PLCB4: variants seen among roughly 807,000 people sequenced by gnomAD.
PLCB4 encodes the protein 1-phosphatidylinositol 4,5-bisphosphate phosphodiesterase beta-4.
A neutral mutation model predicts 178.8 loss-of-function variants in PLCB4; 77 were observed. That is an observed-to-expected ratio of 0.43 (90% CI 0.36 to 0.52). PLCB4 has a LOEUF of 0.52. Ranked by LOEUF, PLCB4 falls within the 20% of genes least tolerant of loss-of-function variation. The pLI is 0.00. For synonymous variants in PLCB4, 496 were observed against 490.8 expected (o/e 1.01, Z -0.14); for missense variants, 1,024 against 1,453.4 (o/e 0.70, Z 4.80).
At chr20:9,262,392 G>A (rs1193489398) in intron 3 of PLCB4, among the ~76,000 whole-genome samples, 1 of 152,152 alleles carries the variant, frequency 6.6e-6, no homozygotes, top group Non-Finnish European at 1.5e-5. Flanking sequence ...CCTCCTGGAT[G>A]CCTTCTGCAG....
intron 32 of PLCB4, among the ~76,000 whole-genome samples, chr20:9,444,761 C>CAA (rs1016038746): frequency 6.7e-6 from 1 of 149,330 alleles, no homozygotes; most frequent in Admixed American, 6.7e-5. Flanking sequence ...GACTCCATCT[C>CAA]AAAAAAAAAG....
At chr20:9,471,875 C>T (rs996194833) in intron 36 of PLCB4, among the ~76,000 whole-genome samples, 1 of 149,714 alleles carries the variant, frequency 6.7e-6, no homozygotes, top group Non-Finnish European at 1.5e-5. Context: ...GAGTATACAC[C>T]CTACAGCAGC....
chr20:9,170,695 G>T, intron 2 of PLCB4, among the ~76,000 whole-genome samples: 1 of 152,134 alleles, frequency 6.6e-6, no homozygotes, highest in Non-Finnish European at 1.5e-5. Flanking sequence ...CCATGTTTGT[G>T]GGCAGTAGTT....
intron 2 of PLCB4, among the ~76,000 whole-genome samples, chr20:9,115,433 CT>C (rs869027659): frequency 7.4e-6 from 1 of 134,902 alleles, no homozygotes; most frequent in African/African-American, 2.8e-5. Flanking sequence ...ACTTCTTCTT[CT>C]TTTTTTTTAA....
intron 3 of PLCB4, among the ~76,000 whole-genome samples, chr20:9,268,670 G>A (rs191036897): frequency 2.7e-4 from 41 of 152,314 alleles, no homozygotes; most frequent in Admixed American, 7.9e-4. Flanking sequence ...AAGGGGGAAA[G>A]ACTATCAACA....
chr20:9,474,798 A>G (rs2044434873), intron 38 of PLCB4, among the ~76,000 whole-genome samples: 1 of 152,184 alleles, frequency 6.6e-6, no homozygotes, highest in Non-Finnish European at 1.5e-5. Flanking sequence ...TCATCAACAT[A>G]CTTCCTAGTT....
chr20:9,323,200 C>G (rs1441830966), intron 4 of PLCB4, among the ~76,000 whole-genome samples: 1 of 152,198 alleles, frequency 6.6e-6, no homozygotes, highest in African/African-American at 2.4e-5. Context: ...TTGCTGTTCT[C>G]CCTCTGGACT....
At chr20:9,407,355 G>T (rs1223883628) in intron 21 of PLCB4, among the ~76,000 whole-genome samples, 1 of 151,532 alleles carries the variant, frequency 6.6e-6, no homozygotes, top group African/African-American at 2.4e-5. Context: ...TTGCTGTGAG[G>T]TCCAATATAG....
At chr20:9,154,881 T>TTCCTTCCCTCCTTCCC (rs879330389) in intron 2 of PLCB4, among the ~76,000 whole-genome samples, 2 of 97,458 alleles carry the variant, frequency 2.1e-5, no homozygotes, top group East Asian at 3.5e-4. Flanking sequence ...CCTTCCTTCT[T>TTCCTTCCCTCCTTCCC]TCCTTCCCTC....
chr20:9,086,317 T>G (rs976703720), intron 1 of PLCB4, among the ~76,000 whole-genome samples: 24 of 152,136 alleles, frequency 1.6e-4, no homozygotes, highest in African/African-American at 5.6e-4. Flanking sequence ...GAACATTTTT[T>G]GAAGTGTCTT....
intron 3 of PLCB4, among the ~76,000 whole-genome samples, chr20:9,286,226 A>G (rs1319255625): frequency 6.6e-6 from 1 of 152,020 alleles, no homozygotes; most frequent in African/African-American, 2.4e-5. Context: ...TCTTGGACAT[A>G]GATGCCTACA....
At chr20:9,242,239 C>T (rs2147420838) in intron 3 of PLCB4, among the ~76,000 whole-genome samples, 1 of 152,258 alleles carries the variant, frequency 6.6e-6, no homozygotes, top group African/African-American at 2.4e-5. Flanking sequence ...GCAAGCTGGG[C>T]AGTTATTGAG....
At chr20:9,241,996 C>G (rs1452097468) in intron 3 of PLCB4, among the ~76,000 whole-genome samples, 3 of 152,182 alleles carry the variant, frequency 2.0e-5, no homozygotes, top group Non-Finnish European at 4.4e-5. Flanking sequence ...TCAGGTTAGC[C>G]TGGGCTTGTT....
intron 3 of PLCB4, among the ~76,000 whole-genome samples, chr20:9,290,082 C>T (rs761400022): frequency 3.3e-5 from 5 of 151,424 alleles, no homozygotes; most frequent in Admixed American, 6.6e-5. Context: ...CAGGTCAGGC[C>T]GTTGAGTTCT....
chr20:9,074,354 C>G (rs548520963), intron 1 of PLCB4, among the ~76,000 whole-genome samples: 1 of 152,178 alleles, frequency 6.6e-6, no homozygotes, highest in South Asian at 2.1e-4. Context: ...ACGGAAACAC[C>G]CTTGGGCCAG....
At chr20:9,447,143 A>G (rs183422898) in intron 32 of PLCB4, among the ~76,000 whole-genome samples, 53 of 152,328 alleles carry the variant, frequency 3.5e-4, no homozygotes, top group African/African-American at 1.1e-3. Context: ...TAACAGTTAT[A>G]TAAAGGAGTA....
chr20:9,371,064 GA>G (rs2148293324), intron 9 of PLCB4, 149 bp from the exon 10 acceptor site: 1 of 618,756 alleles, frequency 1.6e-6, no homozygotes, highest in Non-Finnish European at 2.9e-6. Context: ...ACTAGTTTGG[GA>G]AATGAAAAAC....
chr20:9,435,393 T>A (rs3817877), intron 28 of PLCB4, among the ~76,000 whole-genome samples, 167 bp from the exon 29 acceptor site: 1 of 152,130 alleles, frequency 6.6e-6, no homozygotes, highest in Non-Finnish European at 1.5e-5. Flanking sequence ...CCTTTCTTGT[T>A]TTCTGCAACT....
intron 39 of PLCB4, among the ~76,000 whole-genome samples, chr20:9,477,416 A>G (rs1312065142): frequency 6.6e-6 from 1 of 152,180 alleles, no homozygotes; most frequent in Non-Finnish European, 1.5e-5. Flanking sequence ...AGCTGTTGGA[A>G]TAGTCTTGTA....
Sources: allele counts gnomAD v4.1 joint callset (sites outside exome capture counted in the v4.1 genomes callset), GRCh38; gene constraint gnomAD v4.1.1; transcripts MANE v1.5; gene names NCBI Gene and HGNC (gene_info 2026-07-23, HGNC 2026-07-21).